Variants in MTCL3 observed in about 807,000 individuals in gnomAD.
The protein encoded by MTCL3 is microtubule cross-linking factor 3.
At chr6:127,476,445 G>A in the MTCL3 span, 7 of 1,603,290 alleles carry the variant, frequency 4.4e-6, no homozygotes, top group Non-Finnish European at 6.0e-6. This position sits in a 1 kb window ranked among gnomAD's most constrained non-coding sequence, Gnocchi z 4.4. Context: ...ACTGCAGCTG[G>A]CACTTCAGAT....
chr6:127,507,982 T>G, the MTCL3 span, among the ~76,000 whole-genome samples: 2 of 152,214 alleles, frequency 1.3e-5, no homozygotes, highest in African/African-American at 4.8e-5. Context: ...CTGCCCATGT[T>G]ATTCGACAAA....
chr6:127,498,875 T>C, the MTCL3 span, among the ~76,000 whole-genome samples: 2 of 152,126 alleles, frequency 1.3e-5, no homozygotes, highest in Admixed American at 1.3e-4. Context: ...ATAAAAGCTA[T>C]AGATTCCAAA....
chr6:127,489,398 C>T, the MTCL3 span, among the ~76,000 whole-genome samples: 1 of 152,162 alleles, frequency 6.6e-6, no homozygotes, highest in Non-Finnish European at 1.5e-5. Context: ...AAAGAAGAGT[C>T]ATATGTCTCT....
the MTCL3 span, among the ~76,000 whole-genome samples, chr6:127,487,836 A>G: frequency 2.0e-5 from 3 of 152,188 alleles, no homozygotes; most frequent in African/African-American, 7.2e-5. Flanking sequence ...TTACTAAGGT[A>G]TACCAGACCC....
At chr6:127,498,391 A>G in the MTCL3 span, among the ~76,000 whole-genome samples, 1 of 152,192 alleles carries the variant, frequency 6.6e-6, no homozygotes. Context: ...GTATCATTTG[A>G]TGCCCAGTGG....
At chr6:127,483,894 GC>G in the MTCL3 span, among the ~76,000 whole-genome samples, 1 of 152,190 alleles carries the variant, frequency 6.6e-6, no homozygotes, top group Non-Finnish European at 1.5e-5. Flanking sequence ...CCATCAGGAA[GC>G]TGAAACTTAG....
At chr6:127,501,851 G>A in the MTCL3 span, among the ~76,000 whole-genome samples, 9 of 152,202 alleles carry the variant, frequency 5.9e-5, no homozygotes, top group African/African-American at 9.6e-5. Flanking sequence ...AATTAGGACA[G>A]AAGCATCAAA....
At chr6:127,481,233 T>C in the MTCL3 span, 27 of 877,322 alleles carry the variant, frequency 3.1e-5, no homozygotes, top group Admixed American at 6.2e-4. Flanking sequence ...ATACAGCGTC[T>C]ACTCCATAAA....
At chr6:127,512,775 GT>G in the MTCL3 span, 1 of 908,084 alleles carries the variant, frequency 1.1e-6, no homozygotes, top group East Asian at 2.7e-5. Flanking sequence ...TTGGGTAAGA[GT>G]AAAAAATTGT....
the MTCL3 span, chr6:127,514,853 C>A: frequency 6.2e-7 from 1 of 1,613,608 alleles, no homozygotes; most frequent in Non-Finnish European, 8.5e-7. Context: ...TGCGCAACAG[C>A]TCCCCGTCGA....
the MTCL3 span, chr6:127,515,880 A>T: frequency 1.2e-6 from 2 of 1,610,448 alleles, no homozygotes; most frequent in Non-Finnish European, 1.7e-6. This position sits in a 1 kb window ranked among gnomAD's most constrained non-coding sequence, Gnocchi z 4.3. Flanking sequence ...AGCTCCCTCC[A>T]CCACCGCTGC....
At chr6:127,475,806 C>T in the MTCL3 span, 6 of 1,612,264 alleles carry the variant, frequency 3.7e-6, no homozygotes, top group South Asian at 5.5e-5. This position sits in a 1 kb window ranked among gnomAD's most constrained non-coding sequence, Gnocchi z 7.3. Context: ...TGCCCAGGTG[C>T]GAGGCCAGGT....
At chr6:127,499,397 T>C in the MTCL3 span, among the ~76,000 whole-genome samples, 1 of 151,570 alleles carries the variant, frequency 6.6e-6, no homozygotes, top group African/African-American at 2.4e-5. Flanking sequence ...TTCCATAATA[T>C]TGAAAACAAA....
the MTCL3 span, among the ~76,000 whole-genome samples, chr6:127,479,695 G>A: frequency 1.3e-5 from 2 of 152,244 alleles, no homozygotes; most frequent in East Asian, 3.9e-4. Context: ...ATATAATAGA[G>A]TCATTAGGAG....
chr6:127,515,591 G>C, the MTCL3 span: 439 of 1,434,156 alleles, frequency 3.1e-4, 1 homozygote, highest in Non-Finnish European at 3.7e-4. This position sits in a 1 kb window ranked among gnomAD's most constrained non-coding sequence, Gnocchi z 4.3. Context: ...TGCTGCGGGT[G>C]CGGCTGCGAC....
the MTCL3 span, among the ~76,000 whole-genome samples, chr6:127,479,186 C>T: frequency 6.6e-6 from 1 of 152,078 alleles, no homozygotes; most frequent in South Asian, 2.1e-4. Flanking sequence ...CATGCCTCCC[C>T]ATTTTAGACC....
At chr6:127,506,221 A>T in the MTCL3 span, among the ~76,000 whole-genome samples, 11,125 of 152,274 alleles carry the variant, frequency 0.073, 502 homozygotes, top group African/African-American at 0.12. Flanking sequence ...CATAATTTGT[A>T]GATTCTATAG....
chr6:127,500,390 A>G, the MTCL3 span, among the ~76,000 whole-genome samples: 5 of 152,234 alleles, frequency 3.3e-5, no homozygotes, highest in Admixed American at 6.5e-5. Flanking sequence ...GAAAATATTT[A>G]TAAGCTTTTT....
the MTCL3 span, chr6:127,519,142 A>G: frequency 3.9e-5 from 6 of 152,268 alleles, no homozygotes; most frequent in African/African-American, 1.4e-4. Flanking sequence ...TCCTTGCTCT[A>G]TTCTCTTATC....
Sources: allele counts gnomAD v4.1 joint callset (sites outside exome capture counted in the v4.1 genomes callset), GRCh38; gene constraint gnomAD v4.1.1; non-coding constraint Gnocchi (gnomAD v3.1); transcripts MANE v1.5; gene names NCBI Gene and HGNC (gene_info 2026-07-23, HGNC 2026-07-21).